The following WAPL variants were observed in gnomAD, a reference collection of about 807,000 sequenced individuals.
WAPL encodes wings apart-like protein homolog.
A neutral mutation model predicts 121.0 loss-of-function variants in WAPL; 5 were observed. The observed-to-expected ratio is 0.04, with a 90% confidence interval of 0.02 to 0.09. The LOEUF (loss-of-function observed/expected upper bound fraction) is 0.09, where lower values mean the gene tolerates loss of function less well. WAPL is among the 10% of genes least tolerant of loss of function. The probability of loss-of-function intolerance (pLI) is 1.00; values close to 1 mark genes in which losing one functional copy is unlikely to be tolerated. For missense variants in WAPL, 999 were observed against 1,410.8 expected, an observed-to-expected ratio of 0.71 and a Z score of 4.68; for synonymous variants, 480 against 481.5, an observed-to-expected ratio of 1.00 and a Z score of 0.04.
chr10:86,437,407 G>T lies in WAPL; in HGVS notation c.*136C>A. On this transcript the variant is annotated 3_prime_UTR_variant, in exon 19 of 19. Coordinates refer to ENST00000298767, the MANE Select transcript of WAPL (RefSeq NM_015045.5). Reference sequence around the variant, plus strand: ...CGAATGCATGACGAAGAAATCAGGTGGCCTTAAAAATCCAAACACGAATGA... The same window carrying T: ...CGAATGCATGACGAAGAAATCAGGTTGCCTTAAAAATCCAAACACGAATGA... The T allele has an allele frequency of 1.3e-6, 1 of 767,638 alleles. No homozygotes were observed. Among genetic ancestry groups the T allele is most frequent in the Non-Finnish European group, 2.0e-6 (1 of 498,476 alleles). The allele number at this position is 767,638 out of a possible 1,614,324, so 47.6% of individuals were successfully genotyped here.
chr10:86,453,883 A>T (rs759896978), intron 12 of WAPL, 52 bp from the exon 13 acceptor site: 10 of 1,331,086 alleles, frequency 7.5e-6, no homozygotes, highest in Non-Finnish European at 9.8e-6. Flanking sequence ...ATAGGTACAC[A>T]GCAAATTTCT....
intron 2 of WAPL, among the ~76,000 whole-genome samples, chr10:86,504,221 A>G (rs151193730): frequency 6.6e-6 from 1 of 151,882 alleles, no homozygotes; most frequent in South Asian, 2.1e-4. Context: ...GAAGCAATTC[A>G]TTAAAATATA....
intron 2 of WAPL, among the ~76,000 whole-genome samples, chr10:86,512,631 G>A (rs530937298): frequency 1.6e-4 from 24 of 152,324 alleles, no homozygotes; most frequent in African/African-American, 5.5e-4. Flanking sequence ...TGGCACACCT[G>A]GCTGAGAACT....
At chr10:86,505,710 C>T (rs1399767204) in intron 2 of WAPL, among the ~76,000 whole-genome samples, 1 of 152,000 alleles carries the variant, frequency 6.6e-6, no homozygotes, top group African/African-American at 2.4e-5. Context: ...AGGATGACCA[C>T]TAAAAGACTA....
intron 4 of WAPL, among the ~76,000 whole-genome samples, chr10:86,486,138 T>C (rs79892829): frequency 6.3e-4 from 96 of 152,356 alleles, no homozygotes; most frequent in African/African-American, 2.3e-3. Flanking sequence ...CTTGAGAATA[T>C]AGTGGATCTC....
At chr10:86,466,327 T>G (rs544336997) in intron 9 of WAPL, among the ~76,000 whole-genome samples, 1 of 152,126 alleles carries the variant, frequency 6.6e-6, no homozygotes, top group African/African-American at 2.4e-5. Context: ...ATCCCAACAC[T>G]TTGAGAGGCT....
At chr10:86,516,771 C>T (rs539166456) in intron 2 of WAPL, among the ~76,000 whole-genome samples, 1 of 152,168 alleles carries the variant, frequency 6.6e-6, no homozygotes, top group East Asian at 1.9e-4. Context: ...TTTTAAAATA[C>T]AACCAGTTTT....
At chr10:86,493,976 C>T (rs1453399250) in intron 4 of WAPL, among the ~76,000 whole-genome samples, 3 of 152,190 alleles carry the variant, frequency 2.0e-5, no homozygotes, top group Non-Finnish European at 2.9e-5. Context: ...GCACTCCAGC[C>T]TGGGCAACAG....
At position 86,453,766 on chromosome 10, in the gene WAPL, G is replaced by A; in HGVS notation, c.2723C>T (p.Ala908Val). The A allele has an allele frequency of 1.2e-6, 2 of 1,614,152 alleles. No homozygotes were observed. The highest frequency in any genetic ancestry group is 1.7e-6 in the Non-Finnish European group (2 of 1,180,026). Residue 908 changes from alanine to valine, a missense_variant, in exon 13 of 19, where the codon GCT becomes GTT. By Grantham distance (64) the Ala-to-Val change is moderately conservative (BLOSUM62 0). Transcript: ENST00000298767. ...YNRAEDSICL[A>V]DSKPLPHQNV... ...CTGGTGAGGCAGAGGCTTACTGTCA[G>A]CTAAGCATATGCTGTCCTCAGCACG...
Position 86,446,265 on chromosome 10 carries a change from T to C in WAPL, c.3299A>G (p.Asp1100Gly), listed in dbSNP as rs770289614. The C allele has an allele frequency of 2.5e-6, 4 of 1,613,922 alleles. No homozygotes were observed. Among genetic ancestry groups the C allele is most frequent in the Non-Finnish European group, 2.5e-6 (3 of 1,179,808 alleles). The change falls in exon 16 of 19, where the codon GAT (aspartate) becomes GGT (glycine). Residue 1100 changes from aspartate to glycine, a missense_variant. Asp to Gly is a moderately conservative substitution (Grantham distance 94, BLOSUM62 -1). Transcript: ENST00000298767. ...ACCTTTATTGAGGTCAAGTTCTTCA[T>C]CCTCCTCCTCCTTCTTATGTTTCTC... The part of the protein sequence containing the change: ...TEEKHKKEEE[D>G]EELDLNKALQ...
intron 2 of WAPL, among the ~76,000 whole-genome samples, chr10:86,516,729 G>A (rs7089012): frequency 0.067 from 10,128 of 151,998 alleles, 638 homozygotes; most frequent in East Asian, 0.37. Flanking sequence ...TTTTAGGAGA[G>A]AATACTAGAT....
intron 15 of WAPL, among the ~76,000 whole-genome samples, chr10:86,448,202 G>A (rs1840883024): frequency 6.6e-6 from 1 of 152,190 alleles, no homozygotes; most frequent in South Asian, 2.1e-4. Context: ...CTAAGGCAGG[G>A]CATGGTGGCT....
At chr10:86,517,472 C>A in intron 2 of WAPL, 99 bp downstream of exon 2, 1 of 1,428,632 alleles carries the variant, frequency 7.0e-7, no homozygotes, top group Non-Finnish European at 9.2e-7. Context: ...ATCATAAGTG[C>A]AGAAAGAAAA....
At chr10:86,501,033 T>C (rs185549586) in intron 2 of WAPL, among the ~76,000 whole-genome samples, 4 of 152,280 alleles carry the variant, frequency 2.6e-5, no homozygotes, top group Non-Finnish European at 5.9e-5. Context: ...CAGAATGACA[T>C]GTAAATGACT....
chr10:86,510,257 T>C (rs1436694185), intron 2 of WAPL, among the ~76,000 whole-genome samples: 1 of 151,782 alleles, frequency 6.6e-6, no homozygotes, highest in East Asian at 1.9e-4. Flanking sequence ...GTATTTTTAG[T>C]AGAGACGGGA....
rs756566932 is a variant in WAPL at position 86,438,026 on chromosome 10, A to G, written c.3412-11T>C. 1.9e-6 allele frequency: 3 copies of G among 1,599,474 alleles called. No individual in the cohort carries two copies. The highest frequency in any genetic ancestry group is 2.7e-5 in the African/African-American group (2 of 74,488). ...AGTGGTTACATTGATCTGAGGAAAC[A>G]GAGCAAGAAATATTGGTCAGCTGGC... On this transcript the variant is annotated splice_polypyrimidine_tract_variant and intron_variant, in intron 17 of 18. Coordinates refer to ENST00000298767, the MANE Select transcript of WAPL (RefSeq NM_015045.5).
chr10:86,473,474 G>A (rs1841580888), intron 5 of WAPL, among the ~76,000 whole-genome samples: 2 of 152,304 alleles, frequency 1.3e-5, no homozygotes, highest in South Asian at 4.1e-4. Context: ...CTAGAATACA[G>A]GAAGAGATTT....
chr10:86,457,640 A>T (rs529409932), intron 12 of WAPL, among the ~76,000 whole-genome samples: 47 of 152,088 alleles, frequency 3.1e-4, no homozygotes, highest in African/African-American at 1.1e-3. Flanking sequence ...GCTCAGAAAA[A>T]AAAATAAAAT....
intron 12 of WAPL, among the ~76,000 whole-genome samples, chr10:86,454,453 ATCTCGGC>A (rs1841081408): frequency 6.6e-6 from 1 of 152,084 alleles, no homozygotes; most frequent in Non-Finnish European, 1.5e-5. Context: ...TACTGCCGCC[ATCTCGGC>A]TCACTGCAAC....
Sources: gnomAD v4.1 joint callset for allele counts (sites outside exome capture counted in the v4.1 genomes callset) on GRCh38, gnomAD v4.1.1 for gene constraint, MANE v1.5 for transcripts, NCBI Gene and HGNC (gene_info 2026-07-23, HGNC 2026-07-21) for gene names.